Variants in CLASP1 observed in about 807,000 individuals in gnomAD.
CLASP1 encodes the protein CLIP-associating protein 1.
In CLASP1, 38 loss-of-function variants were observed where a neutral mutation model predicts 192.3. That is an observed-to-expected ratio of 0.20 (90% confidence interval 0.15 to 0.26). The LOEUF (loss-of-function observed/expected upper bound fraction) is 0.26. CLASP1 is among the 10% of genes least tolerant of loss of function. The pLI is 1.00. For synonymous variants in CLASP1, 691 were observed against 712.8 expected, an observed-to-expected ratio of 0.97 and a Z score of 0.49; for missense variants, 1,433 against 1,932.5, an observed-to-expected ratio of 0.74 and a Z score of 4.85.
At chr2:121,435,214 T>A (rs772958653) in intron 19 of CLASP1, among the ~76,000 whole-genome samples, 3 of 152,240 alleles carry the variant, frequency 2.0e-5, no homozygotes, top group Admixed American at 2.0e-4. Flanking sequence ...AAATCAAGTA[T>A]GACAATCTTT....
exon 4 of CLASP1, chr2:121,528,707 T>C: frequency 6.2e-7 from 1 of 1,614,068 alleles, no homozygotes; most frequent in Non-Finnish European, 8.5e-7. Flanking sequence ...CCATGATCTT[T>C]AGCAGCAGAG....
At position 121,530,885 on chromosome 2, in the gene CLASP1, T is replaced by C. The variant is rs1208611147; in HGVS notation, c.196-560A>G. 9 of 692,916 alleles carry C rather than the reference T, an allele frequency of 1.3e-5. No homozygotes were observed. The highest frequency in any genetic ancestry group is 1.8e-5 in the African/African-American group (1 of 56,992). 42.9% of individuals were successfully genotyped at this position (692,916 alleles called of 1,614,324 possible). On this transcript the variant is annotated intron_variant, in intron 2 of 39. Coordinates refer to ENST00000263710, the Ensembl canonical transcript of CLASP1. ...GCCCAGGGACTTTCTATTATAACCATCCTTTTCTTGGGGTTGCGCTACTGT... is the reference window on the plus strand; with the variant it reads ...GCCCAGGGACTTTCTATTATAACCACCCTTTTCTTGGGGTTGCGCTACTGT...
chr2:121,487,331 GT>G (rs898531596), intron 8 of CLASP1, among the ~76,000 whole-genome samples: 2 of 151,640 alleles, frequency 1.3e-5, no homozygotes, highest in African/African-American at 4.8e-5. Flanking sequence ...TGTATGTTTT[GT>G]TTTTTTTAAT....
intron 37 of CLASP1, among the ~76,000 whole-genome samples, chr2:121,356,576 C>T (rs900026338): frequency 6.6e-6 from 1 of 152,220 alleles, no homozygotes; most frequent in Non-Finnish European, 1.5e-5. Context: ...TTTTCCTCAT[C>T]AGTAAAACGA....
intron 2 of CLASP1, among the ~76,000 whole-genome samples, chr2:121,531,549 T>C (rs1234809649): frequency 7.1e-6 from 1 of 140,700 alleles, no homozygotes; most frequent in Non-Finnish European, 1.5e-5. Flanking sequence ...TGAGCAGAGA[T>C]CGCGCCACTG....
At chr2:121,524,929 G>C (rs1224210340) in intron 6 of CLASP1, among the ~76,000 whole-genome samples, 1 of 152,120 alleles carries the variant, frequency 6.6e-6, no homozygotes, top group Non-Finnish European at 1.5e-5. Context: ...GCACGATAAG[G>C]AAAGGGCCTG....
chr2:121,635,207 T>C (rs529924503), intron 1 of CLASP1, among the ~76,000 whole-genome samples: 1 of 135,400 alleles, frequency 7.4e-6, no homozygotes, highest in South Asian at 2.3e-4. Context: ...AGATTGCGTC[T>C]GTAAAAAAAA....
intron 34 of CLASP1, among the ~76,000 whole-genome samples, chr2:121,373,089 T>C (rs553805822): frequency 5.9e-5 from 9 of 152,336 alleles, no homozygotes; most frequent in Admixed American, 4.6e-4. Context: ...AAATTGCAAT[T>C]TCCAATGTTC....
At chr2:121,515,222 G>C (rs762658834) in intron 7 of CLASP1, among the ~76,000 whole-genome samples, 4 of 152,118 alleles carry the variant, frequency 2.6e-5, no homozygotes, top group Non-Finnish European at 4.4e-5. Flanking sequence ...AAAACAGAAA[G>C]TTACATTTAA....
chr2:121,616,621 T>C (rs1026887864), intron 1 of CLASP1, among the ~76,000 whole-genome samples: 4 of 152,214 alleles, frequency 2.6e-5, no homozygotes, highest in African/African-American at 9.6e-5. Context: ...TCAGCATATT[T>C]CTATCAATAA....
At chr2:121,349,846 G>C (rs1289088374) in intron 37 of CLASP1, among the ~76,000 whole-genome samples, 1 of 152,188 alleles carries the variant, frequency 6.6e-6, no homozygotes, top group Non-Finnish European at 1.5e-5. Flanking sequence ...CAAGAAAGAG[G>C]ACAGCAGAAG....
intron 5 of CLASP1, among the ~76,000 whole-genome samples, chr2:121,526,565 T>C (rs2094579080): frequency 6.6e-6 from 1 of 151,070 alleles, no homozygotes; most frequent in South Asian, 2.1e-4. Flanking sequence ...GAAGTTTTCT[T>C]TTTTTTTTCT....
rs115244522 is a variant in CLASP1 at position 121,497,517 on chromosome 2, A to C, written c.712+5650T>G. Among the ~76,000 whole-genome samples, 112 of 152,368 alleles carry C rather than the reference A, an allele frequency of 7.4e-4. 2 individuals carry two copies. Among genetic ancestry groups the C allele is most frequent in the African/African-American group, 2.6e-3 (108 of 41,574 alleles). On this transcript the variant is annotated intron_variant, in intron 8 of 39. Transcript: ENST00000263710. ...TATAGGAGACAAACATTTATGAAAA[A>C]AATGTGATATAGCTAATAAATAAAA...
intron 11 of CLASP1, among the ~76,000 whole-genome samples, chr2:121,460,369 A>G (rs954695750): frequency 3.3e-5 from 5 of 152,198 alleles, no homozygotes; most frequent in African/African-American, 1.2e-4. Flanking sequence ...TTCTGCAAAA[A>G]AAGTTTTACA....
At chr2:121,403,201 C>G (rs1368729047) in intron 26 of CLASP1, among the ~76,000 whole-genome samples, 1 of 152,042 alleles carries the variant, frequency 6.6e-6, no homozygotes, top group Admixed American at 6.5e-5. Context: ...AGACATGCTT[C>G]AAGAATGACA....
intron 2 of CLASP1, chr2:121,530,719 TC>T: frequency 1.9e-6 from 1 of 513,600 alleles, no homozygotes; most frequent in Non-Finnish European, 3.5e-6. Context: ...TTGCGACCCT[TC>T]GGGAGCCTCA....
intron 33 of CLASP1, among the ~76,000 whole-genome samples, chr2:121,381,295 G>A (rs1220095705): frequency 6.6e-6 from 1 of 151,732 alleles, no homozygotes; most frequent in Non-Finnish European, 1.5e-5. Flanking sequence ...TATTTCAAAA[G>A]TAACAGGTCT....
At chr2:121,397,108 C>G in intron 30 of CLASP1, 32 bp downstream of exon 31, 1 of 1,609,860 alleles carries the variant, frequency 6.2e-7, no homozygotes, top group Non-Finnish European at 8.5e-7. Context: ...CAGGAACAAT[C>G]TGTAATTACA....
intron 7 of CLASP1, among the ~76,000 whole-genome samples, chr2:121,507,369 A>G (rs533884762): frequency 1.5e-4 from 23 of 152,356 alleles, no homozygotes; most frequent in African/African-American, 5.5e-4. Flanking sequence ...AAATTTGAAG[A>G]TCAGTCAAAT....
Sources: gnomAD v4.1 joint callset for allele counts (sites outside exome capture counted in the v4.1 genomes callset) on GRCh38, gnomAD v4.1.1 for gene constraint, MANE v1.5 for transcripts, NCBI Gene and HGNC (gene_info 2026-07-23, HGNC 2026-07-21) for gene names.